Variants in MACROD2 observed in about 807,000 individuals in gnomAD.
The protein encoded by MACROD2 is ADP-ribose glycohydrolase MACROD2.
Under a neutral mutation model 70.4 loss-of-function variants are expected in MACROD2, and 36 were observed. That is an observed-to-expected ratio of 0.51 (90% CI 0.39 to 0.68). The LOEUF is 0.68. Among genes scored for constraint, MACROD2 ranks in the 30% least tolerant of loss-of-function variants. The pLI, the probability that MACROD2 is intolerant of heterozygous loss-of-function variation, is 0.00. For synonymous variants in MACROD2, 172 were observed against 178.8 expected, an observed-to-expected ratio of 0.96 and a Z score of 0.30; for missense variants, 496 against 538.4, an observed-to-expected ratio of 0.92 and a Z score of 0.78.
intron 8 of MACROD2, among the ~76,000 whole-genome samples, chr20:15,575,265 C>T (rs546841417): frequency 3.9e-5 from 6 of 152,152 alleles, no homozygotes; most frequent in South Asian, 2.1e-4. Context: ...ACTCTGCTTC[C>T]GAAATGCATT....
chr20:15,851,987 C>G (rs1185346346), intron 8 of MACROD2, among the ~76,000 whole-genome samples: 1 of 152,150 alleles, frequency 6.6e-6, no homozygotes, highest in East Asian at 1.9e-4. Context: ...GGCATTTCCC[C>G]TCAGTCTCTC....
chr20:14,066,851 G>A lies in MACROD2; in HGVS notation c.164-18770G>A, dbSNP rs192489226. ...TTTGAGACAGAGTCTTGCTCTGTCC[G>A]CCCAGGCTGGAGAGCAGTGGCGCCG... is the stretch of plus-strand genomic sequence containing the variant. On this transcript the variant is annotated intron_variant, in intron 2 of 17. Transcript: ENST00000684519. Among the ~76,000 whole-genome samples the A allele has an allele frequency of 7.3e-3, 875 of 120,332 alleles. 5 individuals are homozygous for A. Among genetic ancestry groups the A allele is most frequent in the Middle Eastern group, 0.024 (4 of 166 alleles). The allele number at this position is 120,332 out of a possible 152,430, so 78.9% of individuals were successfully genotyped here.
intron 13 of MACROD2, among the ~76,000 whole-genome samples, chr20:15,968,795 GCGTA>G (rs1364304480): frequency 5.7e-5 from 4 of 69,796 alleles, no homozygotes; most frequent in Admixed American, 2.1e-4. Context: ...TATATATTAT[GCGTA>G]TATATATATA....
chr20:14,876,837 C>T (rs1335972018), intron 5 of MACROD2, among the ~76,000 whole-genome samples: 1 of 152,110 alleles, frequency 6.6e-6, no homozygotes, highest in African/African-American at 2.4e-5. Context: ...TGTTTTTGTA[C>T]CAGTACCATG....
At chr20:14,845,179 T>TA (rs1453500073) in intron 5 of MACROD2, among the ~76,000 whole-genome samples, 1 of 152,148 alleles carries the variant, frequency 6.6e-6, no homozygotes, top group East Asian at 1.9e-4. Flanking sequence ...GTATGTAATT[T>TA]AAAAAATTAC....
intron 5 of MACROD2, among the ~76,000 whole-genome samples, chr20:15,034,140 TTAAA>T (rs1303732937): frequency 2.0e-5 from 3 of 152,210 alleles, no homozygotes; most frequent in African/African-American, 4.8e-5. Context: ...GTAGATATCC[TTAAA>T]TAAATGACGC....
intron 3 of MACROD2, among the ~76,000 whole-genome samples, chr20:14,145,411 A>G (rs1324292518): frequency 1.3e-5 from 2 of 152,176 alleles, no homozygotes; most frequent in African/African-American, 4.8e-5. Flanking sequence ...GAAAACATTG[A>G]TTCCATTAAT....
intron 3 of MACROD2, among the ~76,000 whole-genome samples, chr20:14,153,574 T>C (rs531544008): frequency 6.6e-6 from 1 of 152,336 alleles, no homozygotes; most frequent in South Asian, 2.1e-4. Flanking sequence ...CATTATTATT[T>C]TGATCCTCAA....
At chr20:15,959,938 T>C (rs2066036020) in intron 12 of MACROD2, among the ~76,000 whole-genome samples, 1 of 152,218 alleles carries the variant, frequency 6.6e-6, no homozygotes, top group South Asian at 2.1e-4. Context: ...CAAAGTGAGT[T>C]AGACTATTTC....
intron 3 of MACROD2, among the ~76,000 whole-genome samples, chr20:14,396,027 C>CT (rs1176349865): frequency 6.6e-6 from 1 of 152,186 alleles, no homozygotes; most frequent in African/African-American, 2.4e-5. Flanking sequence ...GTAGCTGGGA[C>CT]TACAGGTGTG....
intron 5 of MACROD2, among the ~76,000 whole-genome samples, chr20:14,899,004 A>G (rs767948041): frequency 6.6e-6 from 1 of 152,194 alleles, no homozygotes; most frequent in Non-Finnish European, 1.5e-5. Flanking sequence ...CCAAAAACAT[A>G]TGTAGCAAAT....
Position 14,618,084 on chromosome 20 carries a change from G to A in MACROD2, c.302-66759G>A, listed in dbSNP as rs568296966. Among the ~76,000 whole-genome samples, 4 of 145,324 alleles carry A rather than the reference G, an allele frequency of 2.8e-5. No individual in the cohort carries two copies. In the East Asian group the frequency reaches 6.3e-4, roughly 23 times the overall value. ...CCAAAGCTCACTTTAATGGGTCTGC[G>A]GTCCACACCTGCCCTCCAATCCCTA... On this transcript the variant is annotated intron_variant, in intron 4 of 17. Transcript: ENST00000684519.
At chr20:14,590,180 A>G (rs1294646901) in intron 4 of MACROD2, among the ~76,000 whole-genome samples, 2 of 152,200 alleles carry the variant, frequency 1.3e-5, no homozygotes, top group Non-Finnish European at 2.9e-5. Context: ...GCTTTTGATC[A>G]TGAAAAGTGA....
chr20:15,560,629 G>C (rs920813095), intron 8 of MACROD2, among the ~76,000 whole-genome samples: 3 of 151,940 alleles, frequency 2.0e-5, no homozygotes, highest in Non-Finnish European at 4.4e-5. Context: ...CAGTCATGGT[G>C]GTGTGTGCCT....
chr20:15,766,383 T>C (rs957286761), intron 8 of MACROD2, among the ~76,000 whole-genome samples: 1 of 152,212 alleles, frequency 6.6e-6, no homozygotes, highest in African/African-American at 2.4e-5. Flanking sequence ...CTTAATTAAG[T>C]GATTGGTTAT....
chr20:15,799,006 T>C (rs1000083199), intron 8 of MACROD2, among the ~76,000 whole-genome samples: 2 of 151,318 alleles, frequency 1.3e-5, no homozygotes, highest in African/African-American at 4.9e-5. Context: ...TCCAACATCA[T>C]TATTTAGCAA....
chr20:14,786,202 GAT>G (rs2072369837), intron 5 of MACROD2, among the ~76,000 whole-genome samples: 1 of 141,258 alleles, frequency 7.1e-6, no homozygotes, highest in African/African-American at 2.7e-5. Flanking sequence ...CTCAGAGAAA[GAT>G]AGAGAGAGAG....
At chr20:15,115,603 G>A (rs1042808381) in intron 5 of MACROD2, among the ~76,000 whole-genome samples, 10 of 152,084 alleles carry the variant, frequency 6.6e-5, no homozygotes, top group African/African-American at 2.4e-4. Flanking sequence ...TTCTTGATAG[G>A]ATTTTAGAAT....
chr20:14,267,136 T>C (rs2082150893), intron 3 of MACROD2, among the ~76,000 whole-genome samples: 2 of 152,262 alleles, frequency 1.3e-5, no homozygotes, highest in South Asian at 4.1e-4. Flanking sequence ...AGAGAAGTTA[T>C]GTTAGTGGCC....
Sources: gnomAD v4.1 joint callset for allele counts (sites outside exome capture counted in the v4.1 genomes callset) on GRCh38, gnomAD v4.1.1 for gene constraint, MANE v1.5 for transcripts, NCBI Gene and HGNC (gene_info 2026-07-23, HGNC 2026-07-21) for gene names.